CIPC: variants seen among roughly 807,000 people sequenced by gnomAD.
CIPC encodes CLOCK-interacting pacemaker.
In CIPC, 12 loss-of-function variants were observed where a neutral mutation model predicts 26.7. The observed-to-expected ratio is 0.45, with a 90% CI of 0.29 to 0.73. CIPC has a LOEUF of 0.73. CIPC is among the 30% of genes least tolerant of loss of function. CIPC has a pLI of 0.12. For missense variants in CIPC, 417 were observed against 486.5 expected, an observed-to-expected ratio of 0.86 and a Z score of 1.34; for synonymous variants, 170 against 189.8, an observed-to-expected ratio of 0.90 and a Z score of 0.86.
chr14:77,106,567 G>T (rs1368834467), intron 2 of CIPC, among the ~76,000 whole-genome samples: 1 of 152,038 alleles, frequency 6.6e-6, no homozygotes, highest in Non-Finnish European at 1.5e-5. Flanking sequence ...TTTTTGGCGC[G>T]GGGATGCAGA....
At chr14:77,111,815 A>C (rs1438619204) in intron 3 of CIPC, among the ~76,000 whole-genome samples, 17 of 152,244 alleles carry the variant, frequency 1.1e-4, no homozygotes. Flanking sequence ...ACAATGCATT[A>C]GATATTTTCC....
At chr14:77,111,361 G>T (rs1230952415) in intron 3 of CIPC, among the ~76,000 whole-genome samples, 1 of 152,174 alleles carries the variant, frequency 6.6e-6, no homozygotes, top group Admixed American at 6.5e-5. Flanking sequence ...TAAGAGACTT[G>T]GGGACAAGCT....
chr14:77,108,551 C>A (rs767877021), intron 2 of CIPC, among the ~76,000 whole-genome samples: 1 of 152,034 alleles, frequency 6.6e-6, no homozygotes, highest in East Asian at 1.9e-4. Context: ...ATCAGCCAGG[C>A]GTGATGGTGC....
At chr14:77,106,066 A>G in intron 2 of CIPC, 2 of 376,056 alleles carry the variant, frequency 5.3e-6, no homozygotes, top group Non-Finnish European at 9.4e-6. Flanking sequence ...TTTTCAACTT[A>G]GACTCTGAAT....
Position 77,114,323 on chromosome 14 carries a change from G to A in CIPC, c.*5G>A, listed in dbSNP as rs775419940. 1.9e-6 allele frequency: 3 copies of A among 1,584,780 alleles called. No individual in the cohort carries two copies. The highest frequency in any genetic ancestry group is 1.4e-5 in the African/African-American group (1 of 73,280). On this transcript the variant is annotated 3_prime_UTR_variant, in exon 4 of 4. Transcript: ENST00000361786. Reference sequence around the variant, plus strand: ...TCTGATCACCCAGCCATATAGCACAGAGGCATATTTTCCTGTTACTTGAGT... The same window carrying A: ...TCTGATCACCCAGCCATATAGCACAAAGGCATATTTTCCTGTTACTTGAGT...
chr14:77,112,435 CT>C (rs1453412989), intron 3 of CIPC, among the ~76,000 whole-genome samples: 1 of 152,208 alleles, frequency 6.6e-6, no homozygotes, highest in African/African-American at 2.4e-5. Flanking sequence ...AACTGCATCA[CT>C]TAGTAACTTG....
chr14:77,100,319 A>G (rs760438313), intron 1 of CIPC, among the ~76,000 whole-genome samples: 2 of 138,972 alleles, frequency 1.4e-5, no homozygotes, highest in South Asian at 4.4e-4. Context: ...TCGGCTTACT[A>G]CAATCTCTGC....
chr14:77,111,404 G>A (rs968723036), intron 3 of CIPC, among the ~76,000 whole-genome samples: 7 of 152,234 alleles, frequency 4.6e-5, no homozygotes, highest in East Asian at 3.9e-4. Flanking sequence ...GTTTTGTTTC[G>A]TTTTTTAAAA....
In CIPC at chr14:77,116,982, T is replaced by C. The variant is rs897260215; in HGVS notation, c.*2664T>C. The stretch of plus-strand genomic sequence containing the variant: ...AACTTTTGGCAGATTTTGTTGGCAT[T>C]ATTGAAATATATATAGAAAAGTTGC... On this transcript the variant is annotated 3_prime_UTR_variant, in exon 4 of 4. Coordinates refer to ENST00000361786, the MANE Select transcript of CIPC (RefSeq NM_033426.3). 1 of 152,224 alleles carries C rather than the reference T, an allele frequency of 6.6e-6. No individual in the cohort carries two copies. The highest frequency in any genetic ancestry group is 6.5e-5 in the Admixed American group (1 of 15,286). The allele number at this position is 152,224 out of a possible 1,614,324, so 9.4% of individuals were successfully genotyped here.
At position 77,105,701 on chromosome 14, in the gene CIPC, A is replaced by C; in HGVS notation, c.-8A>C. The C allele has an allele frequency of 6.2e-7, 1 of 1,613,044 alleles. No homozygotes were observed. The highest frequency in any genetic ancestry group is 1.7e-5 in the Admixed American group (1 of 59,734). On this transcript the variant is annotated 5_prime_UTR_variant, in exon 2 of 4. Coordinates refer to ENST00000361786, the MANE Select transcript of CIPC (RefSeq NM_033426.3). The stretch of plus-strand genomic sequence containing the variant: ...GTACCAATGAATCTGCCTCCAGCTG[A>C]ATAAACCATGGAGAGGAAAAACCCA...
At chr14:77,102,214 T>C (rs1197590118) in intron 1 of CIPC, among the ~76,000 whole-genome samples, 1 of 152,200 alleles carries the variant, frequency 6.6e-6, no homozygotes, top group African/African-American at 2.4e-5. Context: ...CTCTCTGTTA[T>C]AGGGCAGGAC....
At chr14:77,101,039 C>G (rs1014161172) in intron 1 of CIPC, among the ~76,000 whole-genome samples, 1 of 152,124 alleles carries the variant, frequency 6.6e-6, no homozygotes, top group South Asian at 2.1e-4. Context: ...TGTAAAGCAG[C>G]GTGAGTGATT....
In CIPC at chr14:77,116,981, T is replaced by G. The variant is rs1038353735; in HGVS notation, c.*2663T>G. Reference sequence around the variant, plus strand: ...GAACTTTTGGCAGATTTTGTTGGCATTATTGAAATATATATAGAAAAGTTG... The same window carrying G: ...GAACTTTTGGCAGATTTTGTTGGCAGTATTGAAATATATATAGAAAAGTTG... On this transcript the variant is annotated 3_prime_UTR_variant, in exon 4 of 4. Coordinates refer to ENST00000361786, the MANE Select transcript of CIPC (RefSeq NM_033426.3). 1 of 152,248 alleles carries G rather than the reference T, an allele frequency of 6.6e-6. No individual in the cohort carries two copies. The highest frequency in any genetic ancestry group is 6.5e-5 in the Admixed American group (1 of 15,290). The allele number at this position is 152,248 out of a possible 1,614,324, so 9.4% of individuals were successfully genotyped here. A position where few individuals can be genotyped will look rare whatever the true frequency, so the allele number is the denominator to read the frequency against.
chr14:77,112,640 A>G (rs1886726199), intron 3 of CIPC, among the ~76,000 whole-genome samples: 1 of 151,998 alleles, frequency 6.6e-6, no homozygotes, highest in Non-Finnish European at 1.5e-5. Flanking sequence ...GTTGGATGTC[A>G]CTGCCTTAAA....
intron 2 of CIPC, among the ~76,000 whole-genome samples, chr14:77,108,501 G>C (rs893984804): frequency 1.2e-4 from 18 of 152,086 alleles, no homozygotes; most frequent in African/African-American, 4.3e-4. Flanking sequence ...AGACCAGCCT[G>C]ACCAACATGG....
chr14:77,113,971 C>G lies in CIPC; in HGVS notation c.853C>G (p.Leu285Val). 1 of 1,614,270 alleles carries G rather than the reference C, an allele frequency of 6.2e-7. No homozygotes were observed. The highest frequency in any genetic ancestry group is 8.5e-7 in the Non-Finnish European group (1 of 1,180,048). ...AGAGAGCAACTCTCCCCTTTCACCACTGTCCGCTAATTATAGCTCACCTTT... is the reference window on the plus strand; with the variant it reads ...AGAGAGCAACTCTCCCCTTTCACCAGTGTCCGCTAATTATAGCTCACCTTT... ...GLESNSPLSPLSANYSSPLWA... is the reference protein window; with the variant it reads ...GLESNSPLSPVSANYSSPLWA... The change falls in exon 4 of 4, where the codon CTG becomes GTG. Residue 285 changes from leucine (L) to valine (V), a missense_variant. Transcript: ENST00000361786.
At chr14:77,102,063 G>A (rs980193204) in intron 1 of CIPC, among the ~76,000 whole-genome samples, 1 of 151,924 alleles carries the variant, frequency 6.6e-6, no homozygotes, top group African/African-American at 2.4e-5. Context: ...TCTAGCCTGA[G>A]CAACAGCGTG....
rs1367266408 is a variant in CIPC at position 77,115,873 on chromosome 14, ATGGGG to A, written c.*1557_*1561del. ...GCTAATTTTTGTATTTTTAGTAGAA[ATGGGG>A]TTTTACCGTGTTGGCCAGGCTGGTC... On this transcript the variant is annotated 3_prime_UTR_variant, in exon 4 of 4. Transcript: ENST00000361786. 2.0e-5 allele frequency: 3 copies of A among 152,098 alleles called. No individual in the cohort carries two copies. The highest frequency in any genetic ancestry group is 4.4e-5 in the Non-Finnish European group (3 of 68,028). The allele number at this position is 152,098 out of a possible 1,614,324, so 9.4% of individuals were successfully genotyped here. A position where few individuals can be genotyped will look rare whatever the true frequency, so the allele number is the denominator to read the frequency against.
intron 2 of CIPC, among the ~76,000 whole-genome samples, chr14:77,109,278 C>A (rs1886648755): frequency 6.6e-6 from 1 of 152,174 alleles, no homozygotes; most frequent in Non-Finnish European, 1.5e-5. Flanking sequence ...GATTCTAAAT[C>A]ATATTTCCAT....
Sources: allele counts gnomAD v4.1 joint callset (sites outside exome capture counted in the v4.1 genomes callset), GRCh38; gene constraint gnomAD v4.1.1; transcripts MANE v1.5; gene names NCBI Gene and HGNC (gene_info 2026-07-23, HGNC 2026-07-21).